The following PALD1 variants were observed in gnomAD, a reference collection of about 807,000 sequenced individuals.
PALD1 encodes phosphatase domain containing paladin 1, also known as paladin.
In PALD1, 57 loss-of-function variants were observed where a neutral mutation model predicts 96.0. The ratio of observed to expected loss-of-function variants is 0.59; its 90% CI spans 0.48 to 0.74. PALD1 has a LOEUF of 0.74. PALD1 is among the 30% of genes least tolerant of loss of function. The pLI is 0.00. For missense variants in PALD1, 1,063 were observed against 1,143.7 expected, an observed-to-expected ratio of 0.93 and a Z score of 1.02; for synonymous variants, 464 against 473.6, an observed-to-expected ratio of 0.98 and a Z score of 0.26.
At position 70,531,435 on chromosome 10, in the gene PALD1, A is replaced by AGCTG; in HGVS notation, c.617_620dup (p.Ile208GlyfsTer22). On this transcript the variant is annotated frameshift_variant, in exon 5 of 20. Transcript: ENST00000263563. LOFTEE classifies it high-confidence loss of function. ...CCCGGGGTCCGGGTGGAGAGCCTGG[A>AGCTG]GCTGGCCATCCGGAAAGAGGTGAGG... 6.2e-7 allele frequency: 1 copy of AGCTG among 1,613,736 alleles called. No individual in the cohort carries two copies. The highest frequency in any genetic ancestry group is 8.5e-7 in the Non-Finnish European group (1 of 1,179,804).
intron 1 of PALD1, among the ~76,000 whole-genome samples, chr10:70,493,594 A>G (rs1380564602): frequency 6.6e-6 from 1 of 152,082 alleles, no homozygotes; most frequent in Non-Finnish European, 1.5e-5. Context: ...TTCAGTCCTC[A>G]CTGCACACCC....
chr10:70,532,058 G>T (rs1564699830), intron 5 of PALD1, among the ~76,000 whole-genome samples: 1 of 152,002 alleles, frequency 6.6e-6, no homozygotes, highest in Non-Finnish European at 1.5e-5. Flanking sequence ...GACCAAGGCT[G>T]CAGTTCAACG....
intron 4 of PALD1, 75 bp from the exon 5 acceptor site, chr10:70,531,215 C>T (rs914084143): frequency 3.9e-6 from 5 of 1,297,334 alleles, no homozygotes; most frequent in Non-Finnish European, 5.5e-6. Context: ...GGCAGAGGCC[C>T]TGAGGTGGGG....
At chr10:70,551,907 C>CAG (rs3034612) in intron 18 of PALD1, among the ~76,000 whole-genome samples, 28,541 of 152,038 alleles carry the variant, frequency 0.19, 2,985 homozygotes, top group East Asian at 0.47. Context: ...AAGAGTCTCC[C>CAG]AGTCTCCCAG....
chr10:70,541,447 AGCTGTCTTCCCTCAGG>A lies in PALD1; in HGVS notation c.2050-12_2053del. 6.2e-7 allele frequency: 1 copy of A among 1,612,734 alleles called. No homozygotes were observed. The highest frequency in any genetic ancestry group is 8.5e-7 in the Non-Finnish European group (1 of 1,178,974). Reference sequence around the variant, plus strand: ...GTTGGGAGGGGGCTTCTGTCTCAGCAGCTGTCTTCCCTCAGGGCTTCCCCGAGGTGGGTGAGGAGGA... The same window carrying A: ...GTTGGGAGGGGGCTTCTGTCTCAGCAGCTTCCCCGAGGTGGGTGAGGAGGA... On this transcript the variant is annotated splice_acceptor_variant and splice_polypyrimidine_tract_variant and coding_sequence_variant and intron_variant, in exon 17 of 20. Transcript: ENST00000263563. LOFTEE classifies it high-confidence loss of function.
the PALD1 span, among the ~76,000 whole-genome samples, chr10:70,459,530 T>C: frequency 6.6e-5 from 10 of 152,132 alleles, no homozygotes; most frequent in African/African-American, 2.4e-4. Flanking sequence ...TTGCTGGGGC[T>C]GGGCAGTGCC....
Position 70,534,425 on chromosome 10 carries a change from G to T in PALD1, c.1023G>T (p.Glu341Asp), listed in dbSNP as rs1211656068. 1.9e-6 allele frequency: 3 copies of T among 1,606,294 alleles called. 1 individual carries two copies. The Admixed American group carries it at 5.1e-5, about 27-fold the overall frequency. Residue 341 changes from glutamate (E) to aspartate (D), a missense_variant and splice_region_variant, in exon 9 of 20, where the codon GAG (glutamate) becomes GAT (aspartate). Transcript: ENST00000263563. Reference sequence around the variant, plus strand: ...TAATGTACTGACCCTGCCTCGACAGGGCTGCCCCCACGCAGGCCAAGCCCC... The same window carrying T: ...TAATGTACTGACCCTGCCTCGACAGTGCTGCCCCCACGCAGGCCAAGCCCC... ...LHRSGTTSQP[E>D]AAPTQAKPLP...
At chr10:70,488,346 C>A (rs1846045738) in intron 1 of PALD1, among the ~76,000 whole-genome samples, 1 of 152,176 alleles carries the variant, frequency 6.6e-6, no homozygotes. Context: ...GTCTTGAACT[C>A]CTGGACTGAA....
intron 1 of PALD1, among the ~76,000 whole-genome samples, chr10:70,482,442 A>G (rs964817883): frequency 1.3e-5 from 2 of 152,152 alleles, no homozygotes; most frequent in Non-Finnish European, 2.9e-5. Flanking sequence ...TGTTTCCTGT[A>G]ACTGGTGCTC....
intron 9 of PALD1, 88 bp downstream of exon 9, chr10:70,534,612 T>TA: frequency 8.9e-7 from 1 of 1,127,920 alleles, no homozygotes; most frequent in Admixed American, 2.0e-5. Context: ...TCCTTCCCGA[T>TA]ACCCTCCCCT....
chr10:70,564,176 A>G (rs894930220), intron 18 of PALD1, among the ~76,000 whole-genome samples, 188 bp from the exon 19 acceptor site: 1 of 152,122 alleles, frequency 6.6e-6, no homozygotes, highest in African/African-American at 2.4e-5. Context: ...CCTCTCAGGT[A>G]GGAAGTGGGC....
At chr10:70,507,750 CGTGTGTGTGT>C (rs10579511) in intron 1 of PALD1, among the ~76,000 whole-genome samples, 12,979 of 148,748 alleles carry the variant, frequency 0.087, 688 homozygotes, top group East Asian at 0.16. Context: ...TTTGTGTGTG[CGTGTGTGTGT>C]GTGTGTGTGT....
intron 1 of PALD1, among the ~76,000 whole-genome samples, chr10:70,505,790 G>C (rs966825377): frequency 2.0e-5 from 3 of 152,064 alleles, no homozygotes; most frequent in Non-Finnish European, 4.4e-5. Context: ...GGAGGCTGAG[G>C]TGGGCGGGTC....
At position 70,565,770 on chromosome 10, in the gene PALD1, G is replaced by A. The variant is rs1434202960; in HGVS notation, c.2419-811G>A. ...CAGGCCTGGGCTCAGCTTCCTCTGC[G>A]AGCCCCTGGGGAGGGGTGGAGGTGG... is the stretch of plus-strand genomic sequence containing the variant. On this transcript the variant is annotated intron_variant, in intron 19 of 19. Coordinates refer to ENST00000263563, the MANE Select transcript of PALD1 (RefSeq NM_014431.3). Among the ~76,000 whole-genome samples, 4 of 152,146 alleles carry A rather than the reference G, an allele frequency of 2.6e-5. No homozygotes were observed. In the East Asian group the frequency reaches 7.7e-4, roughly 29 times the overall value.
At chr10:70,541,717 T>C (rs1376316916) in intron 17 of PALD1, among the ~76,000 whole-genome samples, 183 bp downstream of exon 17, 1 of 152,208 alleles carries the variant, frequency 6.6e-6, no homozygotes, top group African/African-American at 2.4e-5. Flanking sequence ...ACAGCTTGGC[T>C]CTGAGGCCCT....
the PALD1 span, among the ~76,000 whole-genome samples, chr10:70,460,916 G>A: frequency 6.6e-6 from 1 of 152,170 alleles, no homozygotes; most frequent in Non-Finnish European, 1.5e-5. Flanking sequence ...TTAGCCGGGC[G>A]TGGTGGCATG....
the PALD1 span, among the ~76,000 whole-genome samples, chr10:70,467,859 C>T: frequency 6.6e-6 from 1 of 151,964 alleles, no homozygotes; most frequent in African/African-American, 2.4e-5. Flanking sequence ...CACTACGAGC[C>T]CCCCAGCCTG....
intron 1 of PALD1, among the ~76,000 whole-genome samples, chr10:70,525,652 G>T (rs2132351369): frequency 6.6e-6 from 1 of 152,122 alleles, no homozygotes; most frequent in South Asian, 2.1e-4. Context: ...TTTCACAAGA[G>T]GAGTGTAAAC....
chr10:70,566,162 T>C (rs1322670905), intron 19 of PALD1, among the ~76,000 whole-genome samples: 1 of 152,000 alleles, frequency 6.6e-6, no homozygotes. Flanking sequence ...CAGGGCTGAG[T>C]GTCCAGGGGT....
Sources: gnomAD v4.1 joint callset for allele counts (sites outside exome capture counted in the v4.1 genomes callset) on GRCh38, gnomAD v4.1.1 for gene constraint, MANE v1.5 for transcripts, NCBI Gene and HGNC (gene_info 2026-07-23, HGNC 2026-07-21) for gene names.